AOAH: variants seen among roughly 807,000 people sequenced by gnomAD.
The protein encoded by AOAH is acyloxyacyl hydrolase (neutrophil).
Under a neutral mutation model 92.2 loss-of-function variants are expected in AOAH, and 64 were observed. The ratio of observed to expected loss-of-function variants is 0.69; its 90% CI spans 0.57 to 0.86. AOAH has a LOEUF of 0.86. Ranked by LOEUF, AOAH falls within the 40% of genes least tolerant of loss-of-function variation. The pLI is 0.00. For missense variants in AOAH, 656 were observed against 694.6 expected, an observed-to-expected ratio of 0.94 and a Z score of 0.62; for synonymous variants, 263 against 254.5, an observed-to-expected ratio of 1.03 and a Z score of -0.32.
chr7:36,528,971 C>T (rs1784540412), intron 19 of AOAH, among the ~76,000 whole-genome samples: 1 of 152,122 alleles, frequency 6.6e-6, no homozygotes, highest in Non-Finnish European at 1.5e-5. Flanking sequence ...GCATTTATAA[C>T]CAGCTCCTGG....
intron 16 of AOAH, among the ~76,000 whole-genome samples, chr7:36,539,218 C>T (rs543375233): frequency 1.3e-5 from 2 of 152,306 alleles, no homozygotes; most frequent in African/African-American, 2.4e-5. Flanking sequence ...TTGAATTTCT[C>T]GCCTGACTCC....
Position 36,594,441 on chromosome 7 carries a change from C to T in AOAH, c.847-11G>A, listed in dbSNP as rs1331249940. On this transcript the variant is annotated splice_polypyrimidine_tract_variant and intron_variant, in intron 11 of 20. Transcript: ENST00000617537. Reference sequence around the variant, plus strand: ...ATTGATGAAAGAGTTCTAAGGAAAACAATAAAGTAGCAATTATCAAAATGG... The same window carrying T: ...ATTGATGAAAGAGTTCTAAGGAAAATAATAAAGTAGCAATTATCAAAATGG... 2 of 1,604,684 alleles carry T rather than the reference C, an allele frequency of 1.2e-6. No homozygotes were observed. The highest frequency in any genetic ancestry group is 2.2e-5 in the South Asian group (2 of 90,844).
chr7:36,565,711 T>TA (rs1464241653), intron 13 of AOAH, among the ~76,000 whole-genome samples: 2 of 151,888 alleles, frequency 1.3e-5, no homozygotes, highest in Non-Finnish European at 1.5e-5. Context: ...TTTTTTTTTT[T>TA]ATTTAAATTT....
intron 11 of AOAH, among the ~76,000 whole-genome samples, chr7:36,608,607 G>A (rs568194802): frequency 6.6e-6 from 1 of 152,352 alleles, no homozygotes; most frequent in South Asian, 2.1e-4. Context: ...GTAAAGAAGT[G>A]AGTGTAGGTG....
chr7:36,656,118 A>G (rs1794870124), intron 4 of AOAH, among the ~76,000 whole-genome samples: 1 of 152,100 alleles, frequency 6.6e-6, no homozygotes, highest in Non-Finnish European at 1.5e-5. Context: ...GTGGAAAAAA[A>G]TGTATTAGAA....
rs557189410 is a variant in AOAH at position 36,612,910 on chromosome 7, G to A, written c.846+3470C>T. ...CTACGTAGAAACTCTGTTAATTAGA[G>A]GATTTAAATCTTGCCTTATATTTTG... On this transcript the variant is annotated intron_variant, in intron 11 of 20. Transcript: ENST00000617537. Among the ~76,000 whole-genome samples the A allele has an allele frequency of 9.9e-5, 15 of 152,044 alleles. No individual in the cohort carries two copies. The South Asian group carries it at 2.9e-3, about 29-fold the overall frequency.
chr7:36,515,470 CT>C (rs1783587082), intron 20 of AOAH, among the ~76,000 whole-genome samples: 1 of 113,954 alleles, frequency 8.8e-6, no homozygotes, highest in Non-Finnish European at 1.8e-5. Flanking sequence ...CACCACACCC[CT>C]CACAACCCCA....
chr7:36,567,077 G>A (rs1787767087), intron 13 of AOAH, among the ~76,000 whole-genome samples: 2 of 152,138 alleles, frequency 1.3e-5, no homozygotes, highest in Non-Finnish European at 2.9e-5. Context: ...CTCTCAAAGT[G>A]CTGGAATTAC....
intron 3 of AOAH, among the ~76,000 whole-genome samples, chr7:36,673,484 C>T (rs1382945460): frequency 6.6e-6 from 1 of 152,080 alleles, no homozygotes; most frequent in Non-Finnish European, 1.5e-5. Flanking sequence ...TTGCAGTGAG[C>T]CGAGATCACA....
chr7:36,719,329 A>G (rs1478066376), intron 1 of AOAH, among the ~76,000 whole-genome samples: 3 of 152,212 alleles, frequency 2.0e-5, no homozygotes, highest in Non-Finnish European at 4.4e-5. Flanking sequence ...GTCCACATTC[A>G]AGTCAGAGAA....
At chr7:36,632,201 C>T (rs1016879483) in intron 5 of AOAH, 95 bp from the exon 6 acceptor site, 2 of 1,002,088 alleles carry the variant, frequency 2.0e-6, no homozygotes, top group African/African-American at 3.3e-5. Context: ...GTTTCTGGAT[C>T]CTCCTTCCTC....
intron 12 of AOAH, among the ~76,000 whole-genome samples, chr7:36,586,852 C>G (rs1267371917): frequency 6.6e-6 from 1 of 152,004 alleles, no homozygotes; most frequent in Non-Finnish European, 1.5e-5. Context: ...TTTCCAAAAC[C>G]CTCCAAGAAT....
At chr7:36,709,455 G>A (rs555587738) in intron 1 of AOAH, among the ~76,000 whole-genome samples, 3 of 152,274 alleles carry the variant, frequency 2.0e-5, no homozygotes, top group Admixed American at 6.5e-5. Context: ...TCAATTCATT[G>A]TATGCCACTG....
intron 13 of AOAH, among the ~76,000 whole-genome samples, chr7:36,575,407 T>C (rs934835254): frequency 9.9e-5 from 15 of 152,212 alleles, no homozygotes; most frequent in African/African-American, 3.4e-4. Context: ...GTGAATATTA[T>C]TTTAATGCCC....
chr7:36,688,768 T>C (rs547692414), intron 1 of AOAH, among the ~76,000 whole-genome samples: 3 of 151,784 alleles, frequency 2.0e-5, no homozygotes, highest in African/African-American at 7.3e-5. Flanking sequence ...GGTTGGAGAA[T>C]AAAGGCAAGA....
chr7:36,520,945 T>C (rs1784076348), intron 20 of AOAH, among the ~76,000 whole-genome samples: 1 of 152,248 alleles, frequency 6.6e-6, no homozygotes, highest in Admixed American at 6.5e-5. Context: ...CTTTAAAATT[T>C]GCTCAGCATT....
chr7:36,698,394 C>T (rs1036444987), intron 1 of AOAH, among the ~76,000 whole-genome samples: 11 of 151,952 alleles, frequency 7.2e-5, no homozygotes, highest in African/African-American at 1.9e-4. Context: ...TTGGTTTCAT[C>T]GATTCTCTCT....
At chr7:36,557,946 C>T (rs1156655203) in intron 13 of AOAH, among the ~76,000 whole-genome samples, 15 of 151,942 alleles carry the variant, frequency 9.9e-5, no homozygotes, top group South Asian at 4.2e-4. Context: ...TCCTGTAGCT[C>T]GGAGTAGTTT....
chr7:36,536,380 C>A (rs1014971128), intron 16 of AOAH, among the ~76,000 whole-genome samples: 9 of 151,764 alleles, frequency 5.9e-5, no homozygotes, highest in Non-Finnish European at 7.4e-5. Flanking sequence ...CTTCCCCCTA[C>A]TTTTTTTTTC....
Sources: gnomAD v4.1 joint callset for allele counts (sites outside exome capture counted in the v4.1 genomes callset) on GRCh38, gnomAD v4.1.1 for gene constraint, MANE v1.5 for transcripts, NCBI Gene and HGNC (gene_info 2026-07-23, HGNC 2026-07-21) for gene names.